FZD1: variants seen among roughly 807,000 people sequenced by gnomAD.
FZD1 encodes the protein frizzled-1.
In FZD1, 22 loss-of-function variants were observed where a neutral mutation model predicts 48.0. The observed-to-expected ratio is 0.46, with a 90% CI of 0.33 to 0.65. The LOEUF is 0.65. FZD1 is among the 30% of genes least tolerant of loss of function. The pLI is 0.02. For synonymous variants in FZD1, 486 were observed against 409.6 expected (o/e 1.19, Z -2.25); for missense variants, 843 against 898.1 (o/e 0.94, Z 0.78).
rs768386931 is a variant in FZD1, at chr7:91,266,349, TCG to T, written c.1470_1471del (p.Val491AlafsTer115). The T allele has an allele frequency of 6.2e-7, 1 of 1,614,144 alleles. No homozygotes were observed. The highest frequency in any genetic ancestry group is 8.5e-7 in the Non-Finnish European group (1 of 1,180,032). On this transcript the variant is annotated frameshift_variant, in exon 1 of 1. Coordinates refer to ENST00000287934, the MANE Select transcript of FZD1 (RefSeq NM_003505.2). LOFTEE classifies it high-confidence loss of function. The surrounding 1 kb of genome is among the most constrained non-coding windows in gnomAD (Gnocchi z 6.8). The stretch of plus-strand genomic sequence containing the variant: ...AACAACGTGGACGCGCTGCGTGGCT[TCG>T]TGCTGGCGCCCCTCTTCGTGTACCT...
At position 91,270,361 on chromosome 7, in the gene FZD1, G is replaced by A. The variant is rs1803950428; in HGVS notation, c.*3537G>A. ...ATATTTTTAATTTCAGAGCCAGCCA[G>A]TGTCAAACACGTGCAAAAGAGCCGG... On this transcript the variant is annotated 3_prime_UTR_variant, in exon 1 of 1. Transcript: ENST00000287934. 1 of 167,006 alleles carries A rather than the reference G, an allele frequency of 6.0e-6. No individual in the cohort carries two copies. Among genetic ancestry groups the A allele is most frequent in the Admixed American group, 6.5e-5 (1 of 15,278 alleles). 10.3% of individuals were successfully genotyped at this position (167,006 alleles called of 1,614,324 possible).
In FZD1 at chr7:91,268,544, C is replaced by A. The variant is rs1409799584; in HGVS notation, c.*1720C>A. On this transcript the variant is annotated 3_prime_UTR_variant, in exon 1 of 1. Transcript: ENST00000287934. ...TTATCAAAATGCCGGTACTTAGGAC[C>A]TAAATTTATCTATGTCTGTCATACG... 1 of 166,938 alleles carries A rather than the reference C, an allele frequency of 6.0e-6. No homozygotes were observed. Among genetic ancestry groups the A allele is most frequent in the East Asian group, 1.9e-4 (1 of 5,202 alleles). 10.3% of individuals were successfully genotyped at this position (166,938 alleles called of 1,614,324 possible).
Position 91,264,571 on chromosome 7 carries a change from C to A in FZD1, c.-310C>A. Reference sequence around the variant, plus strand: ...GGGCTGCGGAGAGTTGCGCTCTCTACGGGGCCGCGGCCACTAGCGCGGCGC... The same window carrying A: ...GGGCTGCGGAGAGTTGCGCTCTCTAAGGGGCCGCGGCCACTAGCGCGGCGC... On this transcript the variant is annotated 5_prime_UTR_variant, in exon 1 of 1. Transcript: ENST00000287934. 2.8e-6 allele frequency: 1 copy of A among 362,070 alleles called. No individual in the cohort carries two copies. 22.4% of individuals were successfully genotyped at this position (362,070 alleles called of 1,614,324 possible).
chr7:91,266,515 T>G lies in FZD1; in HGVS notation c.1635T>G (p.Thr545=), dbSNP rs1490348397. 1.2e-6 allele frequency: 2 copies of G among 1,614,020 alleles called. No homozygotes were observed. Among genetic ancestry groups the G allele is most frequent in the Non-Finnish European group, 1.7e-6 (2 of 1,180,026 alleles). Residue 545 remains threonine, a synonymous_variant, in exon 1 of 1, where the codon ACT becomes ACG. Transcript: ENST00000287934. This position sits in a 1 kb window ranked among gnomAD's most constrained non-coding sequence, Gnocchi z 6.8. ...VRIGVFSVLY[T]VPATIVIACY... is the part of the protein sequence containing the mutation. ...TTGGCGTCTTCAGCGTGCTGTACAC[T>G]GTGCCAGCCACCATCGTCATCGCCT...
At position 91,265,087 on chromosome 7, in the gene FZD1, G is replaced by A. The variant is rs1803849301; in HGVS notation, c.207G>A (p.Gly69=). The part of the protein sequence containing the change: ...LWLLEAPLLL[G]VRAQAAGQGP... The stretch of plus-strand genomic sequence containing the variant: ...TGCTGGAGGCTCCGCTGCTGCTGGG[G>A]GTCCGGGCCCAGGCGGCGGGCCAGG... The change falls in exon 1 of 1, where the codon GGG becomes GGA. Residue 69 remains glycine, a synonymous_variant. Transcript: ENST00000287934. The surrounding 1 kb of genome is among the most constrained non-coding windows in gnomAD (Gnocchi z 6.9). 3 of 1,378,910 alleles carry A rather than the reference G, an allele frequency of 2.2e-6. No individual in the cohort carries two copies. Among genetic ancestry groups the A allele is most frequent in the Non-Finnish European group, 2.8e-6 (3 of 1,070,266 alleles). 85.4% of individuals were successfully genotyped at this position (1,378,910 alleles called of 1,614,324 possible).
At position 91,266,920 on chromosome 7, in the gene FZD1, G is replaced by A. The variant is rs2232163; in HGVS notation, c.*96G>A. On this transcript the variant is annotated 3_prime_UTR_variant, in exon 1 of 1. Coordinates refer to ENST00000287934, the MANE Select transcript of FZD1 (RefSeq NM_003505.2). This position sits in a 1 kb window ranked among gnomAD's most constrained non-coding sequence, Gnocchi z 6.8. ...TTCGTGCCAATCCTGACATCTCGAGGTTTCCTCACTAGACAACTCTCTTTC... is the reference window on the plus strand; with the variant it reads ...TTCGTGCCAATCCTGACATCTCGAGATTTCCTCACTAGACAACTCTCTTTC... The A allele has an allele frequency of 6.8e-3, 5,386 of 793,934 alleles. 178 individuals are homozygous for A. The African/African-American group carries it at 0.078, about 12-fold the overall frequency. 49.2% of individuals were successfully genotyped at this position (793,934 alleles called of 1,614,324 possible). A position where few individuals can be genotyped will look rare whatever the true frequency, so the allele number is the denominator to read the frequency against.
rs767882639 is a variant in FZD1 at position 91,266,109 on chromosome 7, A to T, written c.1229A>T (p.Tyr410Phe). The change falls in exon 1 of 1, where the codon TAC (tyrosine) becomes TTC (phenylalanine). Residue 410 changes from tyrosine to phenylalanine, a missense_variant. Tyr to Phe is a conservative substitution (Grantham distance 22, BLOSUM62 3). Transcript: ENST00000287934. The surrounding 1 kb of genome is among the most constrained non-coding windows in gnomAD (Gnocchi z 6.8). ...EGCTILFMML[Y>F]FFSMASSIWW... Reference sequence around the variant, plus strand: ...TGCACCATCCTCTTCATGATGCTCTACTTCTTCAGCATGGCCAGCTCCATC... The same window carrying T: ...TGCACCATCCTCTTCATGATGCTCTTCTTCTTCAGCATGGCCAGCTCCATC... 6.2e-7 allele frequency: 1 copy of T among 1,614,154 alleles called. No individual in the cohort carries two copies. The highest frequency in any genetic ancestry group is 8.5e-7 in the Non-Finnish European group (1 of 1,180,032).
Position 91,265,580 on chromosome 7 carries a change from G to T in FZD1, c.700G>T (p.Asp234Tyr). The stretch of plus-strand genomic sequence containing the variant: ...GCTGTGCGTGGGCCAGAACACGTCC[G>T]ACAAGGGCACCCCGACGCCCTCGCT... ...GELCVGQNTS[D>Y]KGTPTPSLLP... The change falls in exon 1 of 1, where the codon GAC becomes TAC. Residue 234 changes from aspartate to tyrosine, a missense_variant. Transcript: ENST00000287934. This position sits in a 1 kb window ranked among gnomAD's most constrained non-coding sequence, Gnocchi z 6.9. 1 of 1,609,590 alleles carries T rather than the reference G, an allele frequency of 6.2e-7. No homozygotes were observed. Among genetic ancestry groups the T allele is most frequent in the South Asian group, 1.1e-5 (1 of 91,044 alleles).
In FZD1 at chr7:91,266,452, C is replaced by T; in HGVS notation, c.1572C>T (p.Gly524=). 1 of 1,614,150 alleles carries T rather than the reference C, an allele frequency of 6.2e-7. No homozygotes were observed. The highest frequency in any genetic ancestry group is 8.5e-7 in the Non-Finnish European group (1 of 1,179,976). The change falls in exon 1 of 1, where the codon GGC becomes GGT. Residue 524 remains glycine (G), a synonymous_variant. Coordinates refer to ENST00000287934, the MANE Select transcript of FZD1 (RefSeq NM_003505.2). This position sits in a 1 kb window ranked among gnomAD's most constrained non-coding sequence, Gnocchi z 6.8. ...FRIRTIMKHD[G]TKTEKLEKLM... Reference sequence around the variant, plus strand: ...TCCGCACCATCATGAAGCACGATGGCACCAAGACCGAGAAGCTGGAGAAGC... The same window carrying T: ...TCCGCACCATCATGAAGCACGATGGTACCAAGACCGAGAAGCTGGAGAAGC...
chr7:91,264,857 C>T lies in FZD1; in HGVS notation c.-24C>T, dbSNP rs1181295911. On this transcript the variant is annotated 5_prime_UTR_variant, in exon 1 of 1. Transcript: ENST00000287934. ...GCCCCTGGCAGCCCCAGCGGAGCGG[C>T]GCCAAGAGAGGAGCCGAGAAAGTAT... 7.8e-7 allele frequency: 1 copy of T among 1,279,842 alleles called. No individual in the cohort carries two copies. The highest frequency in any genetic ancestry group is 4.2e-5 in the Admixed American group (1 of 23,750). 79.3% of individuals were successfully genotyped at this position (1,279,842 alleles called of 1,614,324 possible).
Position 91,265,144 on chromosome 7 carries a change from A to ACCGCCACCG in FZD1, c.269_270insACCGCCGCC (p.Pro91_Pro93dup). ...GCCAGGGGCCCGGGCCGGGGCAGCA[A>ACCGCCACCG]CCGCCGCCGCCGCCTCAGCAGCAAC... On this transcript the variant is annotated inframe_insertion, in exon 1 of 1. Coordinates refer to ENST00000287934, the MANE Select transcript of FZD1 (RefSeq NM_003505.2). The surrounding 1 kb of genome is among the most constrained non-coding windows in gnomAD (Gnocchi z 6.9). 6.4e-7 allele frequency: 1 copy of ACCGCCACCG among 1,565,864 alleles called. No individual in the cohort carries two copies. Among genetic ancestry groups the ACCGCCACCG allele is most frequent in the Non-Finnish European group, 8.7e-7 (1 of 1,148,646 alleles).
rs748151772 is a variant in FZD1, at chr7:91,265,165, G to A, written c.285G>A (p.Gln95=). ...AGCAACCGCCGCCGCCGCCTCAGCA[G>A]CAACAGAGCGGGCAGCAGTACAACG... The part of the protein sequence containing the change: ...PGQQPPPPPQ[Q]QQSGQQYNGE... The change falls in exon 1 of 1, where the codon CAG becomes CAA. Residue 95 remains glutamine, a synonymous_variant. Coordinates refer to ENST00000287934, the MANE Select transcript of FZD1 (RefSeq NM_003505.2). This position sits in a 1 kb window ranked among gnomAD's most constrained non-coding sequence, Gnocchi z 6.9. 7.5e-6 allele frequency: 12 copies of A among 1,610,616 alleles called. No individual in the cohort carries two copies. The South Asian group carries it at 1.3e-4, about 18-fold the overall frequency.
Position 91,265,758 on chromosome 7 carries a change from A to G in FZD1, c.878A>G (p.Glu293Gly). The change falls in exon 1 of 1, where the codon GAG (glutamate) becomes GGG (glycine). Residue 293 changes from glutamate to glycine, a missense_variant. Glu to Gly is a moderately conservative substitution (Grantham distance 98). Transcript: ENST00000287934. This position sits in a 1 kb window ranked among gnomAD's most constrained non-coding sequence, Gnocchi z 6.9. Reference sequence around the variant, plus strand: ...TACCTCAACTACCACTTCCTGGGGGAGAAGGACTGCGGCGCACCTTGTGAG... The same window carrying G: ...TACCTCAACTACCACTTCCTGGGGGGGAAGGACTGCGGCGCACCTTGTGAG... Reference protein sequence around the residue: ...PSYLNYHFLGEKDCGAPCEPT... With the variant: ...PSYLNYHFLGGKDCGAPCEPT... 6.2e-7 allele frequency: 1 copy of G among 1,612,246 alleles called. No individual in the cohort carries two copies. The highest frequency in any genetic ancestry group is 8.5e-7 in the Non-Finnish European group (1 of 1,178,820).
In FZD1 at chr7:91,270,584, C is replaced by A. The variant is rs1803953611; in HGVS notation, c.*3760C>A. On this transcript the variant is annotated 3_prime_UTR_variant, in exon 1 of 1. Coordinates refer to ENST00000287934, the MANE Select transcript of FZD1 (RefSeq NM_003505.2). ...AAAAATAATAGACTACATCATAAAT[C>A]ATTTCAGGACTTGAGTGGCCGCAGA... 1 of 167,078 alleles carries A rather than the reference C, an allele frequency of 6.0e-6. No homozygotes were observed. Among genetic ancestry groups the A allele is most frequent in the African/African-American group, 2.4e-5 (1 of 41,462 alleles). The allele number at this position is 167,078 out of a possible 1,614,324, so 10.3% of individuals were successfully genotyped here. A position where few individuals can be genotyped will look rare whatever the true frequency, so the allele number is the denominator to read the frequency against.
Position 91,265,343 on chromosome 7 carries a change from C to T in FZD1, c.463C>T (p.Pro155Ser). Residue 155 changes from proline (P) to serine (S), a missense_variant, in exon 1 of 1, where the codon CCT (proline) becomes TCT (serine). Physicochemically the swap from Pro to Ser is moderately conservative, Grantham distance 74 (BLOSUM62 -1). This residue lies in a region of FZD1 where 490 missense variants were observed against 466.5 expected (regional missense o/e 1.05). Coordinates refer to ENST00000287934, the MANE Select transcript of FZD1 (RefSeq NM_003505.2). The surrounding 1 kb of genome is among the most constrained non-coding windows in gnomAD (Gnocchi z 6.9). Reference sequence around the variant, plus strand: ...GGGCCTGGAGGTGCACCAGTTCTACCCTCTAGTGAAAGTGCAGTGTTCCGC... The same window carrying T: ...GGGCCTGGAGGTGCACCAGTTCTACTCTCTAGTGAAAGTGCAGTGTTCCGC... ...DAGLEVHQFY[P>S]LVKVQCSAEL... 6.2e-7 allele frequency: 1 copy of T among 1,614,116 alleles called. No homozygotes were observed. The highest frequency in any genetic ancestry group is 8.5e-7 in the Non-Finnish European group (1 of 1,179,978).
Position 91,265,393 on chromosome 7 carries a change from C to G in FZD1, c.513C>G (p.Ser171=). 1.9e-6 allele frequency: 3 copies of G among 1,613,930 alleles called. No homozygotes were observed. The highest frequency in any genetic ancestry group is 2.5e-6 in the Non-Finnish European group (3 of 1,179,920). Reference sequence around the variant, plus strand: ...CTGAGCTCAAGTTCTTCCTGTGCTCCATGTACGCGCCCGTGTGCACCGTGC... The same window carrying G: ...CTGAGCTCAAGTTCTTCCTGTGCTCGATGTACGCGCCCGTGTGCACCGTGC... ...CSAELKFFLC[S]MYAPVCTVLE... Residue 171 remains serine (S), a synonymous_variant, in exon 1 of 1, where the codon TCC becomes TCG. Coordinates refer to ENST00000287934, the MANE Select transcript of FZD1 (RefSeq NM_003505.2). This position sits in a 1 kb window ranked among gnomAD's most constrained non-coding sequence, Gnocchi z 6.9.
chr7:91,265,811 T>C lies in FZD1; in HGVS notation c.931T>C (p.Phe311Leu). 1.2e-6 allele frequency: 2 copies of C among 1,613,796 alleles called. 1 individual carries two copies. Among genetic ancestry groups the C allele is most frequent in the South Asian group, 2.2e-5 (2 of 91,070 alleles). ...EPTKVYGLMY[F>L]GPEELRFSRT... is the part of the protein sequence containing the mutation. ...GACCAAGGTGTATGGGCTCATGTAC[T>C]TCGGGCCCGAGGAGCTGCGCTTCTC... Residue 311 changes from phenylalanine to leucine, a missense_variant, in exon 1 of 1, where the codon TTC becomes CTC. Coordinates refer to ENST00000287934, the MANE Select transcript of FZD1 (RefSeq NM_003505.2). This position sits in a 1 kb window ranked among gnomAD's most constrained non-coding sequence, Gnocchi z 6.9.
At position 91,265,908 on chromosome 7, in the gene FZD1, T is replaced by C; in HGVS notation, c.1028T>C (p.Val343Ala). The change falls in exon 1 of 1, where the codon GTG becomes GCG. Residue 343 changes from valine to alanine, a missense_variant. This residue lies in a region of FZD1 where 353 missense variants were observed against 431.6 expected (regional missense o/e 0.82). Coordinates refer to ENST00000287934, the MANE Select transcript of FZD1 (RefSeq NM_003505.2). The surrounding 1 kb of genome is among the most constrained non-coding windows in gnomAD (Gnocchi z 6.9). ...STLFTVLTYL[V>A]DMRRFSYPER... is the part of the protein sequence containing the mutation. ...CTCTTCACGGTGCTTACGTACCTGG[T>C]GGACATGCGGCGCTTCAGCTACCCG... 1.9e-6 allele frequency: 3 copies of C among 1,614,166 alleles called. No homozygotes were observed. The highest frequency in any genetic ancestry group is 2.5e-6 in the Non-Finnish European group (3 of 1,179,998).
rs1200994496 is a variant in FZD1 at position 91,266,980 on chromosome 7, G to T, written c.*156G>T. 4 of 595,786 alleles carry T rather than the reference G, an allele frequency of 6.7e-6. No homozygotes were observed. The highest frequency in any genetic ancestry group is 3.7e-5 in the African/African-American group (2 of 53,678). 36.9% of individuals were successfully genotyped at this position (595,786 alleles called of 1,614,324 possible). A position where few individuals can be genotyped will look rare whatever the true frequency, so the allele number is the denominator to read the frequency against. Reference sequence around the variant, plus strand: ...TTTGAACAACTCAGCTCCTGCAAAAGCTTCCGTCCCTGAGGCAAAAGGACA... The same window carrying T: ...TTTGAACAACTCAGCTCCTGCAAAATCTTCCGTCCCTGAGGCAAAAGGACA... On this transcript the variant is annotated 3_prime_UTR_variant, in exon 1 of 1. Transcript: ENST00000287934. This position sits in a 1 kb window ranked among gnomAD's most constrained non-coding sequence, Gnocchi z 6.8.
Sources: allele counts gnomAD v4.1 joint callset, GRCh38; gene constraint gnomAD v4.1.1; regional missense constraint gnomAD v4.1.1; non-coding constraint Gnocchi (gnomAD v3.1); transcripts MANE v1.5; gene names NCBI Gene and HGNC (gene_info 2026-07-23, HGNC 2026-07-21).